The following GPC5 variants were observed in gnomAD, a reference collection of about 807,000 sequenced individuals.
The protein encoded by GPC5 is glypican-5.
A neutral mutation model predicts 53.9 loss-of-function variants in GPC5; 47 were observed. That is an observed-to-expected ratio of 0.87 (90% confidence interval 0.69 to 1.11). The LOEUF (loss-of-function observed/expected upper bound fraction) is 1.11, where lower values mean the gene tolerates loss of function less well. Among genes scored for constraint, GPC5 ranks in the 50% most tolerant of loss-of-function variants. The probability of loss-of-function intolerance (pLI) is 0.00; values close to 1 mark genes in which losing one functional copy is unlikely to be tolerated. For synonymous variants in GPC5, 286 were observed against 263.3 expected, an observed-to-expected ratio of 1.09 and a Z score of -0.84; for missense variants, 748 against 713.1, an observed-to-expected ratio of 1.05 and a Z score of -0.56.
In GPC5 at chr13:92,630,111, A is replaced by T. The variant is rs538209044; in HGVS notation, c.1562-236171A>T. 7.6e-4 allele frequency among the ~76,000 whole-genome samples: 115 copies of T among 152,312 alleles called. 1 individual carries two copies. The highest frequency in any genetic ancestry group is 1.4e-3 in the Admixed American group (21 of 15,294). ...ACAGAATGTATTTGACTCCTATAGA[A>T]TGAGAAAGATTGATTTGATAAAATA... On this transcript the variant is annotated intron_variant, in intron 7 of 7. Transcript: ENST00000377067.
At chr13:92,692,282 G>A (rs988567033) in intron 7 of GPC5, among the ~76,000 whole-genome samples, 1 of 152,038 alleles carries the variant, frequency 6.6e-6, no homozygotes, top group Non-Finnish European at 1.5e-5. Flanking sequence ...ACCGATGAGG[G>A]ACACCTGAGT....
chr13:92,178,724 C>T (rs2042125815), intron 7 of GPC5, among the ~76,000 whole-genome samples: 1 of 152,080 alleles, frequency 6.6e-6, no homozygotes, highest in Non-Finnish European at 1.5e-5. Flanking sequence ...CACCTGTAAT[C>T]CCAGCACTTT....
chr13:91,892,804 A>G (rs1594645698), intron 5 of GPC5, among the ~76,000 whole-genome samples: 1 of 152,058 alleles, frequency 6.6e-6, no homozygotes, highest in South Asian at 2.1e-4. Flanking sequence ...ACATTTAGTG[A>G]GTATCTGTCA....
chr13:92,597,658 T>G (rs1415203234), intron 7 of GPC5, among the ~76,000 whole-genome samples: 1 of 152,154 alleles, frequency 6.6e-6, no homozygotes, highest in Non-Finnish European at 1.5e-5. Flanking sequence ...CTAGATAGCA[T>G]TTTTAGTGTA....
chr13:92,584,829 A>T (rs1012848960), intron 7 of GPC5, among the ~76,000 whole-genome samples: 18 of 152,104 alleles, frequency 1.2e-4, no homozygotes, highest in African/African-American at 4.3e-4. Context: ...AGCCATGACT[A>T]AAAGGGGCCA....
At chr13:91,495,659 G>A (rs1196826799) in intron 2 of GPC5, among the ~76,000 whole-genome samples, 1 of 152,178 alleles carries the variant, frequency 6.6e-6, no homozygotes, top group Non-Finnish European at 1.5e-5. Flanking sequence ...TTTTTGTAAT[G>A]TCTTCTCTGT....
At chr13:92,452,058 T>G (rs1290054799) in intron 7 of GPC5, among the ~76,000 whole-genome samples, 1 of 152,176 alleles carries the variant, frequency 6.6e-6, no homozygotes, top group Non-Finnish European at 1.5e-5. Flanking sequence ...GGAACAAATA[T>G]AATACAATTC....
chr13:92,679,657 A>C (rs1419186075), intron 7 of GPC5, among the ~76,000 whole-genome samples: 1 of 100,888 alleles, frequency 9.9e-6, no homozygotes, highest in Non-Finnish European at 2.2e-5. Context: ...AAGTGTGGTG[A>C]AACCAGATGC....
At chr13:92,692,556 G>A (rs546454160) in intron 7 of GPC5, among the ~76,000 whole-genome samples, 158 of 149,484 alleles carry the variant, frequency 1.1e-3, no homozygotes, top group African/African-American at 3.8e-3. Context: ...GGGAGGGATA[G>A]CATTGGGAGA....
chr13:92,232,113 AGTACT>A (rs1382818165), intron 7 of GPC5, among the ~76,000 whole-genome samples: 1 of 152,180 alleles, frequency 6.6e-6, no homozygotes, highest in Non-Finnish European at 1.5e-5. Context: ...TGTGGCAGGC[AGTACT>A]GGTTTACCTT....
At chr13:92,272,752 TA>T (rs1357512412) in intron 7 of GPC5, among the ~76,000 whole-genome samples, 5 of 152,094 alleles carry the variant, frequency 3.3e-5, no homozygotes, top group Admixed American at 1.3e-4. Context: ...CCATGGAGCT[TA>T]AAAGCATGTA....
At chr13:92,345,075 A>C (rs918919609) in intron 7 of GPC5, among the ~76,000 whole-genome samples, 1 of 152,206 alleles carries the variant, frequency 6.6e-6, no homozygotes, top group African/African-American at 2.4e-5. Flanking sequence ...AGCATAATAT[A>C]TCAAGAGAAA....
intron 6 of GPC5, among the ~76,000 whole-genome samples, chr13:91,929,830 A>G: frequency 6.6e-6 from 1 of 151,702 alleles, no homozygotes; most frequent in Admixed American, 6.6e-5. Context: ...TTTATTTACG[A>G]CTTTGGAAAC....
At chr13:92,298,161 C>G (rs2043050919) in intron 7 of GPC5, among the ~76,000 whole-genome samples, 1 of 152,162 alleles carries the variant, frequency 6.6e-6, no homozygotes, top group South Asian at 2.1e-4. Flanking sequence ...GCCAGTCTCA[C>G]TCCTGCCGTG....
At chr13:92,210,180 C>T (rs962523467) in intron 7 of GPC5, among the ~76,000 whole-genome samples, 3 of 152,036 alleles carry the variant, frequency 2.0e-5, no homozygotes, top group Non-Finnish European at 2.9e-5. Flanking sequence ...CCAATCAAGT[C>T]GACACTCAAT....
chr13:91,667,591 C>T (rs60005968), intron 2 of GPC5, among the ~76,000 whole-genome samples: 8 of 152,128 alleles, frequency 5.3e-5, no homozygotes, highest in African/African-American at 9.7e-5. Flanking sequence ...GGGGATCAAT[C>T]GCCAGTCTCT....
At chr13:91,763,378 G>A (rs2037455573) in intron 5 of GPC5, among the ~76,000 whole-genome samples, 1 of 152,062 alleles carries the variant, frequency 6.6e-6, no homozygotes. Context: ...AAATGTTTTG[G>A]GTTAGAGACA....
rs184883514 is a variant in GPC5 at position 92,047,584 on chromosome 13, C to T, written c.1402-97246C>T. On this transcript the variant is annotated intron_variant, in intron 6 of 7. Transcript: ENST00000377067. ...ATAAATCCAGCAAGTCAATGAAGGG[C>T]GTGTATTGCATATATAGGTATTATT... Among the ~76,000 whole-genome samples the T allele has an allele frequency of 2.3e-3, 354 of 151,382 alleles. 2 individuals are homozygous for T. The highest frequency in any genetic ancestry group is 8.3e-3 in the African/African-American group (343 of 41,382).
intron 7 of GPC5, chr13:92,659,013 C>G (rs1386199936): frequency 3.5e-5 from 5 of 142,374 alleles, no homozygotes; most frequent in Admixed American, 2.9e-4. Context: ...ACTGCAAGCT[C>G]CGCCTCCCGG....
Sources: gnomAD v4.1 joint callset for allele counts (sites outside exome capture counted in the v4.1 genomes callset) on GRCh38, gnomAD v4.1.1 for gene constraint, MANE v1.5 for transcripts, NCBI Gene and HGNC (gene_info 2026-07-23, HGNC 2026-07-21) for gene names.